PDE1A: variants seen among roughly 807,000 people sequenced by gnomAD.
PDE1A encodes the protein phosphodiesterase 1A.
Under a neutral mutation model 61.7 loss-of-function variants are expected in PDE1A, and 35 were observed. That is an observed-to-expected ratio of 0.57 (90% CI 0.43 to 0.75). The LOEUF (loss-of-function observed/expected upper bound fraction) is 0.75, where lower values mean the gene tolerates loss of function less well. Ranked by LOEUF, PDE1A falls within the 30% of genes least tolerant of loss-of-function variation. The pLI is 0.00. For missense variants in PDE1A, 597 were observed against 630.6 expected (o/e 0.95, Z 0.57); for synonymous variants, 232 against 213.2 (o/e 1.09, Z -0.77).
the PDE1A span, among the ~76,000 whole-genome samples, chr2:182,570,060 CT>C: frequency 6.6e-6 from 1 of 152,148 alleles, no homozygotes; most frequent in African/African-American, 2.4e-5. Context: ...GAGACCATGC[CT>C]TTTGCTTCCT....
At chr2:182,630,138 C>T in the PDE1A span, among the ~76,000 whole-genome samples, 3 of 151,766 alleles carry the variant, frequency 2.0e-5, no homozygotes, top group South Asian at 4.2e-4. Context: ...ATTTTTTTTC[C>T]AAATCTATTG....
chr2:182,270,084 G>T (rs1434118399), intron 1 of PDE1A, among the ~76,000 whole-genome samples: 1 of 152,010 alleles, frequency 6.6e-6, no homozygotes, highest in African/African-American at 2.4e-5. Flanking sequence ...TTAAAAATCA[G>T]CCTGAAAATA....
chr2:182,640,134 A>G, the PDE1A span, among the ~76,000 whole-genome samples: 1 of 152,248 alleles, frequency 6.6e-6, no homozygotes, highest in Non-Finnish European at 1.5e-5. Context: ...AGCATGGGCT[A>G]AGAATTTTAT....
intron 1 of PDE1A, among the ~76,000 whole-genome samples, chr2:182,337,610 G>A (rs1389548416): frequency 1.3e-5 from 2 of 152,100 alleles, no homozygotes. Context: ...AGATGCCAGA[G>A]CACTTGGGAA....
the PDE1A span, among the ~76,000 whole-genome samples, chr2:182,667,723 G>T: frequency 6.6e-6 from 1 of 152,168 alleles, no homozygotes; most frequent in Admixed American, 6.5e-5. Flanking sequence ...AAACAGAAGA[G>T]ATTCTGTCAC....
At chr2:182,308,443 T>G (rs1267926517) in intron 1 of PDE1A, among the ~76,000 whole-genome samples, 4 of 152,090 alleles carry the variant, frequency 2.6e-5, no homozygotes, top group African/African-American at 7.2e-5. Flanking sequence ...GAAATGTAAT[T>G]TAAAGTCATT....
intron 2 of PDE1A, among the ~76,000 whole-genome samples, chr2:182,254,198 A>G (rs926796199): frequency 2.6e-5 from 4 of 152,132 alleles, no homozygotes; most frequent in Non-Finnish European, 5.9e-5. Flanking sequence ...AGTTTGTAGA[A>G]AGTAACACAC....
chr2:182,513,286 G>A (rs1689925160), intron 2 of PDE1A, among the ~76,000 whole-genome samples: 1 of 152,104 alleles, frequency 6.6e-6, no homozygotes, highest in South Asian at 2.1e-4. Context: ...GAGACTGGGG[G>A]CCTATATTCA....
chr2:182,629,843 T>C, the PDE1A span, among the ~76,000 whole-genome samples: 1 of 152,214 alleles, frequency 6.6e-6, no homozygotes, highest in Non-Finnish European at 1.5e-5. Context: ...AAAATGTAAG[T>C]TACTACATTT....
chr2:182,363,719 T>C (rs1699650957), intron 1 of PDE1A, among the ~76,000 whole-genome samples: 1 of 152,080 alleles, frequency 6.6e-6, no homozygotes. Context: ...ATTTTCTGCA[T>C]CATGCAGTGC....
At chr2:182,624,674 T>A in the PDE1A span, among the ~76,000 whole-genome samples, 1 of 152,120 alleles carries the variant, frequency 6.6e-6, no homozygotes, top group South Asian at 2.1e-4. Context: ...GGCCTGTCAG[T>A]CCCCTTCTTG....
intron 13 of PDE1A, among the ~76,000 whole-genome samples, chr2:182,160,619 A>G (rs1481353922): frequency 1.3e-5 from 2 of 152,116 alleles, no homozygotes; most frequent in Admixed American, 6.6e-5. Context: ...CTGGGGCTGC[A>G]TTCTTGGCCT....
At chr2:182,249,723 A>G (rs1691252700) in intron 2 of PDE1A, among the ~76,000 whole-genome samples, 1 of 60,306 alleles carries the variant, frequency 1.7e-5, no homozygotes, top group Admixed American at 1.8e-4. Context: ...CTTCACCCTT[A>G]CCCCCCAACC....
At chr2:182,176,400 C>T (rs1692789424) in intron 13 of PDE1A, among the ~76,000 whole-genome samples, 1 of 148,678 alleles carries the variant, frequency 6.7e-6, no homozygotes, top group Non-Finnish European at 1.5e-5. Context: ...AGGTCCTTCA[C>T]ATCCCTTGTA....
At chr2:182,419,107 T>C (rs1458458443) in intron 1 of PDE1A, among the ~76,000 whole-genome samples, 1 of 151,720 alleles carries the variant, frequency 6.6e-6, no homozygotes, top group African/African-American at 2.4e-5. Flanking sequence ...GGAAGACAGA[T>C]TTCATTTTAA....
At chr2:182,614,212 G>A in the PDE1A span, among the ~76,000 whole-genome samples, 2 of 152,144 alleles carry the variant, frequency 1.3e-5, no homozygotes, top group Non-Finnish European at 2.9e-5. Context: ...AAACTTTTAG[G>A]AATACCTTTA....
At chr2:182,162,811 G>A (rs1559125588) in intron 13 of PDE1A, among the ~76,000 whole-genome samples, 1 of 152,110 alleles carries the variant, frequency 6.6e-6, no homozygotes, top group Non-Finnish European at 1.5e-5. Flanking sequence ...CTCAGGTCCA[G>A]TGGTCCCCGA....
the PDE1A span, among the ~76,000 whole-genome samples, chr2:182,625,244 A>C: frequency 6.6e-5 from 10 of 152,188 alleles, no homozygotes; most frequent in Admixed American, 1.3e-4. Flanking sequence ...ATTGTTGTTT[A>C]ACATCCATTC....
the PDE1A span, among the ~76,000 whole-genome samples, chr2:182,533,434 T>C: frequency 6.6e-6 from 1 of 152,208 alleles, no homozygotes; most frequent in African/African-American, 2.4e-5. Context: ...TTGATAATCT[T>C]CTGAATCTTA....
Sources: gnomAD v4.1 joint callset for allele counts (sites outside exome capture counted in the v4.1 genomes callset) on GRCh38, gnomAD v4.1.1 for gene constraint, MANE v1.5 for transcripts, NCBI Gene and HGNC (gene_info 2026-07-23, HGNC 2026-07-21) for gene names.